The following MCPH1 variants were observed in gnomAD, a reference collection of about 807,000 sequenced individuals.
MCPH1 encodes microcephalin.
A neutral mutation model predicts 84.5 loss-of-function variants in MCPH1; 104 were observed. The ratio of observed to expected loss-of-function variants is 1.23; its 90% CI spans 1.05 to 1.45. MCPH1 has a LOEUF of 1.45. Among genes scored for constraint, MCPH1 ranks in the 40% most tolerant of loss-of-function variants. The pLI, the probability that MCPH1 is intolerant of heterozygous loss-of-function variation, is 0.00. For missense variants in MCPH1, 1,498 were observed against 1,005.7 expected (o/e 1.49, Z -6.62); for synonymous variants, 514 against 366.8 (o/e 1.40, Z -4.58).
chr8:6,570,103 A>T (rs1006779549), intron 12 of MCPH1, among the ~76,000 whole-genome samples: 1 of 152,186 alleles, frequency 6.6e-6, no homozygotes, highest in African/African-American at 2.4e-5. Context: ...ATACCCTTTC[A>T]TTGTTTGGGC....
At chr8:6,637,301 A>C (rs1797627120) in intron 13 of MCPH1, among the ~76,000 whole-genome samples, 1 of 152,142 alleles carries the variant, frequency 6.6e-6, no homozygotes, top group Non-Finnish European at 1.5e-5. Context: ...GTGAGTATAG[A>C]GAGGAGGAGT....
At chr8:6,580,805 GTCT>G (rs1249923597) in intron 12 of MCPH1, among the ~76,000 whole-genome samples, 1 of 152,218 alleles carries the variant, frequency 6.6e-6, no homozygotes, top group East Asian at 1.9e-4. Context: ...TTAAATACAA[GTCT>G]TCTGCTTCCT....
intron 12 of MCPH1, among the ~76,000 whole-genome samples, chr8:6,517,928 G>C (rs187101791): frequency 6.6e-6 from 1 of 152,312 alleles, no homozygotes; most frequent in African/African-American, 2.4e-5. Flanking sequence ...GTTTGTGAAA[G>C]CTTATTGTTC....
At chr8:6,417,412 T>C (rs893259822) in intron 3 of MCPH1, among the ~76,000 whole-genome samples, 1 of 150,270 alleles carries the variant, frequency 6.7e-6, no homozygotes, top group African/African-American at 2.4e-5. Context: ...ACTTTACTTA[T>C]AAGTCTGGCA....
chr8:6,611,710 C>T (rs528065530), intron 12 of MCPH1, among the ~76,000 whole-genome samples: 2 of 152,324 alleles, frequency 1.3e-5, no homozygotes, highest in African/African-American at 4.8e-5. Context: ...GCTCCGCCTC[C>T]CGGGTTCTCG....
intron 12 of MCPH1, among the ~76,000 whole-genome samples, chr8:6,579,889 C>T (rs550907879): frequency 1.6e-4 from 25 of 152,250 alleles, no homozygotes; most frequent in African/African-American, 6.0e-4. Context: ...TCACACTGCC[C>T]ACACAGAACT....
At chr8:6,428,167 G>C (rs73516753) in intron 3 of MCPH1, among the ~76,000 whole-genome samples, 1 of 151,330 alleles carries the variant, frequency 6.6e-6, no homozygotes, top group Non-Finnish European at 1.5e-5. Flanking sequence ...TTACTCTTTT[G>C]TAATGCCTTA....
intron 12 of MCPH1, among the ~76,000 whole-genome samples, chr8:6,562,263 A>C (rs1221836971): frequency 3.9e-5 from 6 of 152,026 alleles, no homozygotes; most frequent in African/African-American, 1.5e-4. Context: ...GCCTTCCCTC[A>C]CTTGCCTGCA....
chr8:6,586,677 A>G (rs1317182754), intron 12 of MCPH1, among the ~76,000 whole-genome samples: 1 of 152,210 alleles, frequency 6.6e-6, no homozygotes, highest in African/African-American at 2.4e-5. Flanking sequence ...AGTGAGTATC[A>G]AGGGACAAAG....
At chr8:6,599,357 C>T (rs1302897531) in intron 12 of MCPH1, among the ~76,000 whole-genome samples, 2 of 152,140 alleles carry the variant, frequency 1.3e-5, no homozygotes, top group Non-Finnish European at 1.5e-5. Flanking sequence ...GACTGCATGA[C>T]GCCAGGCCCC....
At chr8:6,505,299 A>AGTTGT in intron 12 of MCPH1, among the ~76,000 whole-genome samples, 7 of 91,792 alleles carry the variant, frequency 7.6e-5, no homozygotes, top group South Asian at 3.1e-4. Flanking sequence ...ATATACATAT[A>AGTTGT]TATGTATATA....
chr8:6,629,210 C>T (rs890547466), intron 13 of MCPH1, among the ~76,000 whole-genome samples: 1 of 152,218 alleles, frequency 6.6e-6, no homozygotes, highest in Non-Finnish European at 1.5e-5. Context: ...CGCCTATAAT[C>T]CCAGCACTTT....
At position 6,445,425 on chromosome 8, in the gene MCPH1, C is replaced by A. The variant is rs763175941; in HGVS notation, c.1703C>A (p.Ser568Tyr). ...AGCACACAGAACAAAGGTACCACTTCCAAAATATCAAACTCCTCTGAAGGC... is the reference window on the plus strand; with the variant it reads ...AGCACACAGAACAAAGGTACCACTTACAAAATATCAAACTCCTCTGAAGGC... The part of the protein sequence containing the change: ...LKSTQNKGTT[S>Y]KISNSSEGEA... Residue 568 changes from serine (S) to tyrosine (Y), a missense_variant, in exon 8 of 14, where the codon TCC becomes TAC. By Grantham distance (144) the Ser-to-Tyr change is moderately radical. Transcript: ENST00000344683. 6.2e-7 allele frequency: 1 copy of A among 1,614,206 alleles called. No homozygotes were observed. Among genetic ancestry groups the A allele is most frequent in the Non-Finnish European group, 8.5e-7 (1 of 1,180,052 alleles).
intron 13 of MCPH1, chr8:6,625,924 T>C (rs1200123628): frequency 1.0e-6 from 1 of 984,660 alleles, no homozygotes. Context: ...CTCTGAGAAG[T>C]TTCTTTTCTT....
intron 4 of MCPH1, among the ~76,000 whole-genome samples, chr8:6,433,335 A>C (rs192336184): frequency 6.6e-6 from 1 of 152,302 alleles, no homozygotes; most frequent in Admixed American, 6.5e-5. Flanking sequence ...ATCATATACA[A>C]GATGACCTAT....
At chr8:6,578,462 GAGTACATTTTAAATGTA>G (rs138800489) in intron 12 of MCPH1, among the ~76,000 whole-genome samples, 34,499 of 151,988 alleles carry the variant, frequency 0.23, 4,190 homozygotes, top group South Asian at 0.32. Flanking sequence ...CGATTTTTCA[GAGTACATTTTAAATGTA>G]AGTACATTTA....
At chr8:6,534,688 C>T (rs1820182070) in intron 12 of MCPH1, among the ~76,000 whole-genome samples, 2 of 152,020 alleles carry the variant, frequency 1.3e-5, no homozygotes, top group Non-Finnish European at 2.9e-5. Context: ...ACCCGGCAGG[C>T]CAGCAACCAT....
chr8:6,625,817 C>T (rs1376086153), intron 13 of MCPH1: 21 of 985,062 alleles, frequency 2.1e-5, no homozygotes, highest in Admixed American at 6.2e-5. Context: ...TTTTTCAGTG[C>T]CTTTATATTG....
At chr8:6,590,589 T>C (rs902416573) in intron 12 of MCPH1, among the ~76,000 whole-genome samples, 1 of 152,242 alleles carries the variant, frequency 6.6e-6, no homozygotes, top group African/African-American at 2.4e-5. Context: ...ATTTTTGTTA[T>C]AGGGCTTGCT....
Sources: allele counts gnomAD v4.1 joint callset (sites outside exome capture counted in the v4.1 genomes callset), GRCh38; gene constraint gnomAD v4.1.1; transcripts MANE v1.5; gene names NCBI Gene and HGNC (gene_info 2026-07-23, HGNC 2026-07-21).